SEC22A: variants seen among roughly 807,000 people sequenced by gnomAD.
SEC22A encodes the protein vesicle-trafficking protein SEC22a.
SEC22A carries 22 observed loss-of-function variants against 35.3 expected under a neutral mutation model. The observed-to-expected ratio is 0.62, with a 90% CI of 0.45 to 0.89. SEC22A has a LOEUF of 0.89. SEC22A is among the 40% of genes least tolerant of loss of function. The pLI, the probability that SEC22A is intolerant of heterozygous loss-of-function variation, is 0.00. For synonymous variants in SEC22A, 119 were observed against 129.5 expected (o/e 0.92, Z 0.55); for missense variants, 354 against 362.5 (o/e 0.98, Z 0.19).
chr3:123,208,203 C>G (rs1164828206), intron 1 of SEC22A: 1 of 152,170 alleles, frequency 6.6e-6, no homozygotes, highest in African/African-American at 2.4e-5. Context: ...ACTTTCTCCA[C>G]AAACATAACT....
chr3:123,250,282 C>T (rs781157304), intron 5 of SEC22A, among the ~76,000 whole-genome samples: 8 of 152,042 alleles, frequency 5.3e-5, no homozygotes, highest in Non-Finnish European at 1.0e-4. Flanking sequence ...TGGTGGCGCA[C>T]GCCTATAGTC....
rs1938207146 is a variant in SEC22A, at chr3:123,273,055, G to C, written c.*1333G>C. Reference sequence around the variant, plus strand: ...TCATGGTTTTGGAAGTCATCTTCATGGGTGATTTTCCTTTGTTTTTTAAAG... The same window carrying C: ...TCATGGTTTTGGAAGTCATCTTCATCGGTGATTTTCCTTTGTTTTTTAAAG... On this transcript the variant is annotated 3_prime_UTR_variant, in exon 7 of 7. Coordinates refer to ENST00000492595, the MANE Select transcript of SEC22A (RefSeq NM_012430.5). The C allele has an allele frequency of 6.5e-6, 1 of 153,684 alleles. No homozygotes were observed. The highest frequency in any genetic ancestry group is 2.1e-4 in the South Asian group (1 of 4,828). The allele number at this position is 153,684 out of a possible 1,614,324, so 9.5% of individuals were successfully genotyped here.
At chr3:123,210,270 T>C (rs1936919479) in intron 2 of SEC22A, among the ~76,000 whole-genome samples, 1 of 152,184 alleles carries the variant, frequency 6.6e-6, no homozygotes, top group African/African-American at 2.4e-5. Context: ...GTGCTGATTG[T>C]AACGAGCTAG....
rs779433710 is a variant in SEC22A, at chr3:123,203,053, CTTTTTTTTTTTTTTTTTTTTT to C, written c.-20+1081_-20+1101del. On this transcript the variant is annotated intron_variant, in intron 1 of 6. Coordinates refer to ENST00000492595, the MANE Select transcript of SEC22A (RefSeq NM_012430.5). ...GAAAACCATCACATCTGTTTAGTGCCTTTTTTTTTTTTTTTTTTTTTTTTTTTTTTTTTTGCGTGCAACTGG... is the reference window on the plus strand; with the variant it reads ...GAAAACCATCACATCTGTTTAGTGCCTTTTTTTTTTTTTGCGTGCAACTGG... 4.3e-4 allele frequency among the ~76,000 whole-genome samples: 19 copies of C among 43,840 alleles called. 1 individual carries two copies. In the East Asian group the frequency reaches 9.5e-3, roughly 22 times the overall value. The allele number at this position is 43,840 out of a possible 152,430, so 28.8% of individuals were successfully genotyped here.
intron 4 of SEC22A, among the ~76,000 whole-genome samples, chr3:123,241,306 GAA>G (rs1559758997): frequency 1.3e-5 from 2 of 152,154 alleles, no homozygotes; most frequent in Non-Finnish European, 2.9e-5. Context: ...CCTCACTGAT[GAA>G]AAGAATAGTG....
chr3:123,236,073 T>TAAGTATATATACCTTATACCTTATATA (rs1937414449), intron 4 of SEC22A, among the ~76,000 whole-genome samples: 1 of 152,160 alleles, frequency 6.6e-6, no homozygotes, highest in African/African-American at 2.4e-5. Context: ...TGACTACTAA[T>TAAGTATATATACCTTATACCTTATATA]AGGTATAAGA....
intron 4 of SEC22A, among the ~76,000 whole-genome samples, chr3:123,236,108 T>C (rs1214109805): frequency 6.6e-6 from 1 of 152,180 alleles, no homozygotes; most frequent in Non-Finnish European, 1.5e-5. Context: ...GATGAAAATA[T>C]GGAATTAGGT....
Position 123,255,034 on chromosome 3 carries a change from CA to C in SEC22A, c.658-4489del, listed in dbSNP as rs530748170. Among the ~76,000 whole-genome samples, 14 of 152,222 alleles carry C rather than the reference CA, an allele frequency of 9.2e-5. No individual in the cohort carries two copies. The East Asian group carries it at 2.5e-3, about 27-fold the overall frequency. ...CTCAGATATCCACCATTAAGCTCAC[CA>C]GTATCCTTTCAATTGCCAAATACAG... On this transcript the variant is annotated intron_variant, in intron 5 of 6. Coordinates refer to ENST00000492595, the MANE Select transcript of SEC22A (RefSeq NM_012430.5).
intron 2 of SEC22A, among the ~76,000 whole-genome samples, chr3:123,221,522 G>A (rs1380132780): frequency 1.4e-5 from 2 of 147,196 alleles, no homozygotes; most frequent in African/African-American, 5.0e-5. Flanking sequence ...GCAGAGTCCA[G>A]CATAGGAGTG....
rs1215811336 is a variant in SEC22A at position 123,201,961 on chromosome 3, C to G, written c.-45C>G. 2 of 152,700 alleles carry G rather than the reference C, an allele frequency of 1.3e-5. No individual in the cohort carries two copies. Among genetic ancestry groups the G allele is most frequent in the South Asian group, 2.1e-4 (1 of 4,836 alleles). 9.5% of individuals were successfully genotyped at this position (152,700 alleles called of 1,614,324 possible). A position where few individuals can be genotyped will look rare whatever the true frequency, so the allele number is the denominator to read the frequency against. ...ACAATGCACTTCGGGGCGCGTCACTCGGAGCGGCGGGTCCCGTCTCGACAG... is the reference window on the plus strand; with the variant it reads ...ACAATGCACTTCGGGGCGCGTCACTGGGAGCGGCGGGTCCCGTCTCGACAG... On this transcript the variant is annotated 5_prime_UTR_variant, in exon 1 of 7. Coordinates refer to ENST00000492595, the MANE Select transcript of SEC22A (RefSeq NM_012430.5).
intron 6 of SEC22A, among the ~76,000 whole-genome samples, chr3:123,265,331 TCTAGATACTA>T: frequency 6.6e-6 from 1 of 152,136 alleles, no homozygotes; most frequent in East Asian, 1.9e-4. Context: ...AACTGTATAT[TCTAGATACTA>T]ATCCTTTGTC....
At chr3:123,226,062 G>T (rs185681673) in intron 4 of SEC22A, among the ~76,000 whole-genome samples, 92 of 152,270 alleles carry the variant, frequency 6.0e-4, no homozygotes, top group Non-Finnish European at 1.1e-3. Context: ...ATACTCTGTT[G>T]TGTATGTGTG....
Position 123,229,388 on chromosome 3 carries a change from T to G in SEC22A, c.541+4091T>G, listed in dbSNP as rs575303521. Among the ~76,000 whole-genome samples the G allele has an allele frequency of 3.0e-4, 46 of 152,202 alleles. No homozygotes were observed. The South Asian group carries it at 4.6e-3, about 15-fold the overall frequency. On this transcript the variant is annotated intron_variant, in intron 4 of 6. Coordinates refer to ENST00000492595, the MANE Select transcript of SEC22A (RefSeq NM_012430.5). ...ACTTCTTAGCAGAACCAATAGAGAC[T>G]AGTAGGCAATGGAATGACATACAAA...
chr3:123,209,133 TTTTACATATGC>T, intron 1 of SEC22A, 55 bp from the exon 2 acceptor site: 1 of 1,299,482 alleles, frequency 7.7e-7, no homozygotes, highest in Non-Finnish European at 1.1e-6. Flanking sequence ...AGTTGAACAT[TTTTACATATGC>T]TTATCAAGTT....
chr3:123,228,511 G>T (rs1281958042), intron 4 of SEC22A, among the ~76,000 whole-genome samples: 2 of 150,926 alleles, frequency 1.3e-5, no homozygotes, highest in South Asian at 2.1e-4. Context: ...GGAGGCGGAG[G>T]TGGCAGTGAG....
chr3:123,247,597 TA>T (rs1332298995), intron 5 of SEC22A, among the ~76,000 whole-genome samples: 2 of 152,208 alleles, frequency 1.3e-5, no homozygotes, highest in African/African-American at 2.4e-5. Context: ...TGCAACAGGC[TA>T]AAACCTACCT....
chr3:123,218,435 A>G (rs1054910747), intron 2 of SEC22A, among the ~76,000 whole-genome samples: 3 of 152,206 alleles, frequency 2.0e-5, no homozygotes, highest in African/African-American at 4.8e-5. Flanking sequence ...TGCCCAAGAT[A>G]GAGAAAAGAG....
intron 2 of SEC22A, among the ~76,000 whole-genome samples, chr3:123,219,845 A>T (rs1481967729): frequency 6.6e-6 from 1 of 152,202 alleles, no homozygotes; most frequent in African/African-American, 2.4e-5. Context: ...TGGTGGGAGT[A>T]TTTCAATCTG....
chr3:123,254,411 C>A (rs1256444193), intron 5 of SEC22A, among the ~76,000 whole-genome samples: 25 of 152,154 alleles, frequency 1.6e-4, no homozygotes. Flanking sequence ...TAGTGACATT[C>A]ATAAAAATGT....
Sources: gnomAD v4.1 joint callset for allele counts (sites outside exome capture counted in the v4.1 genomes callset) on GRCh38, gnomAD v4.1.1 for gene constraint, MANE v1.5 for transcripts, NCBI Gene and HGNC (gene_info 2026-07-23, HGNC 2026-07-21) for gene names.